The following RALGPS1 variants were observed in gnomAD, a reference collection of about 807,000 sequenced individuals.
The protein encoded by RALGPS1 is Ral GEF with PH domain and SH3 binding motif 1.
RALGPS1 carries 19 observed loss-of-function variants against 78.8 expected under a neutral mutation model. The observed-to-expected ratio is 0.24, with a 90% CI of 0.17 to 0.35. The LOEUF (loss-of-function observed/expected upper bound fraction) is 0.35. Ranked by LOEUF, RALGPS1 falls within the 10% of genes least tolerant of loss-of-function variation. The pLI is 1.00. For synonymous variants in RALGPS1, 228 were observed against 256.3 expected, an observed-to-expected ratio of 0.89 and a Z score of 1.06; for missense variants, 454 against 688.3, an observed-to-expected ratio of 0.66 and a Z score of 3.81.
chr9:127,016,285 C>T (rs991993597), intron 4 of RALGPS1, among the ~76,000 whole-genome samples: 6 of 152,330 alleles, frequency 3.9e-5, no homozygotes, highest in African/African-American at 7.2e-5. Context: ...TGCCCAGTCT[C>T]CAGGGGCAGG....
At chr9:127,178,678 T>G (rs1178655244) in intron 11 of RALGPS1, 1 of 163,426 alleles carries the variant, frequency 6.1e-6, no homozygotes, top group East Asian at 1.9e-4. Flanking sequence ...ACCCTCTGTT[T>G]TCATATGGGC....
intron 8 of RALGPS1, among the ~76,000 whole-genome samples, chr9:127,081,559 C>T (rs929997126): frequency 1.3e-5 from 2 of 152,216 alleles, no homozygotes; most frequent in South Asian, 2.1e-4. Flanking sequence ...GTTGAGATGA[C>T]GAGGGCGTAG....
At chr9:126,950,841 CA>C (rs778490961) in intron 1 of RALGPS1, among the ~76,000 whole-genome samples, 48 of 142,458 alleles carry the variant, frequency 3.4e-4, no homozygotes, top group Non-Finnish European at 5.1e-4. Context: ...GAAATAGAGA[CA>C]AAAAAAAAAC....
intron 11 of RALGPS1, among the ~76,000 whole-genome samples, chr9:127,181,055 T>C (rs1360810209): frequency 1.3e-5 from 2 of 152,246 alleles, no homozygotes; most frequent in Admixed American, 6.5e-5. Context: ...AGAGCCCTTA[T>C]GAGCCAGCCT....
intron 11 of RALGPS1, among the ~76,000 whole-genome samples, chr9:127,192,080 G>A (rs191503908): frequency 1.4e-3 from 212 of 152,332 alleles, no homozygotes; most frequent in African/African-American, 4.5e-3. Flanking sequence ...CAAGCAAGGC[G>A]GTGACATGGT....
At chr9:127,064,720 T>C (rs2049523767) in intron 7 of RALGPS1, among the ~76,000 whole-genome samples, 2 of 152,254 alleles carry the variant, frequency 1.3e-5, no homozygotes, top group Admixed American at 1.3e-4. Flanking sequence ...CTCAAACACA[T>C]TCATCATTAT....
chr9:126,963,085 A>G (rs1478725224), intron 2 of RALGPS1, among the ~76,000 whole-genome samples: 1 of 151,380 alleles, frequency 6.6e-6, no homozygotes, highest in African/African-American at 2.5e-5. Flanking sequence ...AAATCGGGAT[A>G]GGTTTAAGTA....
At chr9:127,034,559 T>A (rs1247372337) in intron 5 of RALGPS1, 45 bp downstream of exon 5, 1 of 1,547,570 alleles carries the variant, frequency 6.5e-7, no homozygotes, top group South Asian at 1.1e-5. Context: ...AGCAATCTGC[T>A]GCTGTCCCCT....
At chr9:126,918,277 C>G (rs138192483) in intron 1 of RALGPS1, among the ~76,000 whole-genome samples, 11 of 152,302 alleles carry the variant, frequency 7.2e-5, no homozygotes, top group African/African-American at 2.6e-4. Context: ...TTCATGGTTG[C>G]AATCGTACGT....
Position 127,069,313 on chromosome 9 carries a change from A to G in RALGPS1, c.567A>G (p.Glu189=), listed in dbSNP as rs1814236161. ...SKEDNYKRTR[E]YIRSLKMVPS... ...AAGATAATTACAAGCGGACACGGGA[A>G]TATATCCGAAGCCTGAAGATGGTTC... is the stretch of plus-strand genomic sequence containing the variant. Residue 189 remains glutamate (E), a synonymous_variant, in exon 8 of 19, where the codon GAA becomes GAG. Transcript: ENST00000259351. 1.2e-6 allele frequency: 2 copies of G among 1,614,058 alleles called. No individual in the cohort carries two copies. Among genetic ancestry groups the G allele is most frequent in the African/African-American group, 2.7e-5 (2 of 75,072 alleles).
At chr9:126,989,755 A>G in intron 4 of RALGPS1, 6 of 1,254,020 alleles carry the variant, frequency 4.8e-6, no homozygotes, top group Non-Finnish European at 6.5e-6. Context: ...CAAAGGAGGC[A>G]TTCTGCAGAT....
At position 127,205,787 on chromosome 9, in the gene RALGPS1, AGTTT is replaced by A. The variant is rs2061900429; in HGVS notation, c.1248-6343_1248-6340del. On this transcript the variant is annotated intron_variant, in intron 14 of 18. Transcript: ENST00000259351. The surrounding 1 kb of genome is among the most constrained non-coding windows in gnomAD (Gnocchi z 4.0). ...GATGCCTCCCAGGTTTACATGTGAT[AGTTT>A]CGCCCAGCCACTGAGCCTCACTTTC... Among the ~76,000 whole-genome samples, 1 of 152,154 alleles carries A rather than the reference AGTTT, an allele frequency of 6.6e-6. No individual in the cohort carries two copies. The highest frequency in any genetic ancestry group is 1.5e-5 in the Non-Finnish European group (1 of 68,030).
intron 8 of RALGPS1, among the ~76,000 whole-genome samples, chr9:127,080,514 T>C (rs1189480314): frequency 6.6e-6 from 1 of 152,216 alleles, no homozygotes; most frequent in Non-Finnish European, 1.5e-5. Context: ...TATGATATTG[T>C]GCTTTTTAAC....
At chr9:127,128,243 A>G (rs1330668937) in intron 8 of RALGPS1, among the ~76,000 whole-genome samples, 1 of 152,090 alleles carries the variant, frequency 6.6e-6, no homozygotes, top group Non-Finnish European at 1.5e-5. Flanking sequence ...TATCTAGTCT[A>G]TCATTGATGG....
chr9:127,168,386 G>A (rs1182617225), intron 9 of RALGPS1, among the ~76,000 whole-genome samples: 3 of 152,182 alleles, frequency 2.0e-5, no homozygotes, highest in Non-Finnish European at 1.5e-5. Flanking sequence ...CCTGATATCT[G>A]AGTGGAGGTG....
In RALGPS1 at chr9:126,954,129, C is replaced by A. The variant is rs917452058; in HGVS notation, c.-65-8096C>A. Reference sequence around the variant, plus strand: ...CTTTGACCCCCAAAGGCATTGGTCACCCACTTCTTTGTGCTCCGGTGAACC... The same window carrying A: ...CTTTGACCCCCAAAGGCATTGGTCAACCACTTCTTTGTGCTCCGGTGAACC... On this transcript the variant is annotated intron_variant, in intron 1 of 18. Transcript: ENST00000259351. 2.6e-5 allele frequency among the ~76,000 whole-genome samples: 4 copies of A among 152,216 alleles called. No homozygotes were observed. In the East Asian group the frequency reaches 7.7e-4, roughly 29 times the overall value.
rs2043562936 is a variant in RALGPS1 at position 127,003,677 on chromosome 9, C to T, written c.216+25932C>T. 2.0e-5 allele frequency among the ~76,000 whole-genome samples: 3 copies of T among 151,404 alleles called. No homozygotes were observed. The South Asian group carries it at 6.3e-4, about 32-fold the overall frequency. On this transcript the variant is annotated intron_variant, in intron 4 of 18. Transcript: ENST00000259351. ...TTAATAGATACTGCCAAACTGTTTTCTTTCTTTCTTTCTTTTCTTTTTTTT... is the reference window on the plus strand; with the variant it reads ...TTAATAGATACTGCCAAACTGTTTTTTTTCTTTCTTTCTTTTCTTTTTTTT...
intron 8 of RALGPS1, among the ~76,000 whole-genome samples, chr9:127,120,498 C>T (rs1005404021): frequency 6.6e-6 from 1 of 152,188 alleles, no homozygotes; most frequent in African/African-American, 2.4e-5. Flanking sequence ...TTTCTGAAAA[C>T]CCTAGCAGGA....
chr9:127,166,327 C>A, intron 9 of RALGPS1, 121 bp downstream of exon 9: 2 of 1,157,918 alleles, frequency 1.7e-6, no homozygotes, highest in Non-Finnish European at 1.2e-6. Flanking sequence ...ATATATCGAG[C>A]ATCAAACATG....
Sources: allele counts gnomAD v4.1 joint callset (sites outside exome capture counted in the v4.1 genomes callset), GRCh38; gene constraint gnomAD v4.1.1; non-coding constraint Gnocchi (gnomAD v3.1); transcripts MANE v1.5; gene names NCBI Gene and HGNC (gene_info 2026-07-23, HGNC 2026-07-21).